The following HELQ variants were observed in gnomAD, a reference collection of about 807,000 sequenced individuals.
HELQ encodes the protein helicase, POLQ like.
In HELQ, 77 loss-of-function variants were observed where a neutral mutation model predicts 111.6. The ratio of observed to expected loss-of-function variants is 0.69; its 90% CI spans 0.57 to 0.83. The LOEUF is 0.83. HELQ is among the 40% of genes least tolerant of loss of function. The probability of loss-of-function intolerance (pLI) is 0.00; values close to 1 mark genes in which losing one functional copy is unlikely to be tolerated. For synonymous variants in HELQ, 438 were observed against 454.7 expected (o/e 0.96, Z 0.47); for missense variants, 1,200 against 1,288.5 (o/e 0.93, Z 1.05).
intron 17 of HELQ, among the ~76,000 whole-genome samples, chr4:83,414,369 G>A (rs2073073895): frequency 6.6e-6 from 1 of 152,228 alleles, no homozygotes; most frequent in South Asian, 2.1e-4. Context: ...CAGGGGTGCT[G>A]TGGGGTGGGG....
upstream of HELQ, chr4:83,455,861 C>G: frequency 1.3e-6 from 1 of 783,452 alleles, no homozygotes; most frequent in East Asian, 2.5e-5. Flanking sequence ...AACTTCTACC[C>G]TGTCCAATCA....
chr4:83,448,763 A>G lies in HELQ; in HGVS notation c.1191+20T>C, dbSNP rs772171270. 1.4e-5 allele frequency: 23 copies of G among 1,589,292 alleles called. No individual in the cohort carries two copies. The highest frequency in any genetic ancestry group is 3.5e-5 in the Admixed American group (2 of 57,134). On this transcript the variant is annotated intron_variant, in intron 3 of 17. Transcript: ENST00000295488. ...GTACTAGCAAATAACATTTGTTTTA[A>G]AACATACACACACACACACCTTTTC... is the stretch of plus-strand genomic sequence containing the variant.
At chr4:83,412,808 A>G (rs1296636236) in intron 17 of HELQ, among the ~76,000 whole-genome samples, 2 of 152,168 alleles carry the variant, frequency 1.3e-5, no homozygotes, top group African/African-American at 4.8e-5. Context: ...TGGGCAACAG[A>G]GCAAGACCCT....
In HELQ at chr4:83,455,557, A is replaced by G; in HGVS notation, c.137T>C (p.Met46Thr). 2 of 1,613,490 alleles carry G rather than the reference A, an allele frequency of 1.2e-6. No homozygotes were observed. Among genetic ancestry groups the G allele is most frequent in the Non-Finnish European group, 1.7e-6 (2 of 1,179,566 alleles). The change falls in exon 1 of 18, where the codon ATG (methionine) becomes ACG (threonine). Residue 46 changes from methionine to threonine, a missense_variant. Physicochemically the swap from Met to Thr is moderately conservative, Grantham distance 81. Coordinates refer to ENST00000295488, the MANE Select transcript of HELQ (RefSeq NM_133636.5). Reference sequence around the variant, plus strand: ...TTTCCGCCTCCTGTTCTCAGCCACCATTTCCTCCTCCTCTTTCCCCTCATC... The same window carrying G: ...TTTCCGCCTCCTGTTCTCAGCCACCGTTTCCTCCTCCTCTTTCCCCTCATC... ...PGDEGKEEEE[M>T]VAENRRRKTA...
At chr4:83,418,874 T>C (rs959357626) in intron 15 of HELQ, among the ~76,000 whole-genome samples, 2 of 152,178 alleles carry the variant, frequency 1.3e-5, no homozygotes, top group African/African-American at 4.8e-5. Context: ...TGAACAGAAC[T>C]ATTGAATCAA....
At position 83,453,476 on chromosome 4, in the gene HELQ, C is replaced by T. The variant is rs1177660295; in HGVS notation, c.767G>A (p.Ser256Asn). ...ACTTTTTCTCCTGTTCATATCTGAA[C>T]TAGTTCTGACTTTGGAAGAGGACTC... ...NDESSSKVRTSSDMNRRKSIK... is the reference protein window; with the variant it reads ...NDESSSKVRTNSDMNRRKSIK... The change falls in exon 2 of 18, where the codon AGT becomes AAT. Residue 256 changes from serine to asparagine, a missense_variant. This residue lies in a region of HELQ where 610 missense variants were observed against 607.1 expected (regional missense o/e 1.00). Coordinates refer to ENST00000295488, the MANE Select transcript of HELQ (RefSeq NM_133636.5). 1 of 1,611,860 alleles carries T rather than the reference C, an allele frequency of 6.2e-7. No individual in the cohort carries two copies. Among genetic ancestry groups the T allele is most frequent in the South Asian group, 1.1e-5 (1 of 90,506 alleles).
Position 83,453,505 on chromosome 4 carries a change from A to G in HELQ, c.738T>C (p.Asn246=). 1 of 1,613,656 alleles carries G rather than the reference A, an allele frequency of 6.2e-7. No individual in the cohort carries two copies. The highest frequency in any genetic ancestry group is 8.5e-7 in the Non-Finnish European group (1 of 1,179,904). The part of the protein sequence containing the change: ...PHNCIEQPQQ[N]DESSSKVRTS... ...TTCTGACTTTGGAAGAGGACTCATCATTTTGCTGGGGTTGCTCTATGCAAT... is the reference window on the plus strand; with the variant it reads ...TTCTGACTTTGGAAGAGGACTCATCGTTTTGCTGGGGTTGCTCTATGCAAT... The change falls in exon 2 of 18, where the codon AAT becomes AAC. Residue 246 remains asparagine, a synonymous_variant. Coordinates refer to ENST00000295488, the MANE Select transcript of HELQ (RefSeq NM_133636.5).
At chr4:83,422,504 A>G (rs75072172) in intron 14 of HELQ, among the ~76,000 whole-genome samples, 5,623 of 152,278 alleles carry the variant, frequency 0.037, 344 homozygotes, top group African/African-American at 0.13. Flanking sequence ...ACACAGAGAG[A>G]CACAGAGAAG....
intron 14 of HELQ, among the ~76,000 whole-genome samples, chr4:83,425,591 C>A (rs894618249): frequency 2.6e-5 from 4 of 152,108 alleles, no homozygotes; most frequent in African/African-American, 9.7e-5. Flanking sequence ...AAGTACTAGA[C>A]TAGGAGTTCT....
At chr4:83,420,757 C>T (rs1180950735) in intron 15 of HELQ, among the ~76,000 whole-genome samples, 1 of 151,996 alleles carries the variant, frequency 6.6e-6, no homozygotes, top group Non-Finnish European at 1.5e-5. Flanking sequence ...TGTACTCCAG[C>T]CTGAGACTCC....
intron 6 of HELQ, among the ~76,000 whole-genome samples, chr4:83,441,870 C>A (rs1015367350): frequency 6.6e-6 from 1 of 150,930 alleles, no homozygotes; most frequent in African/African-American, 2.4e-5. Flanking sequence ...ACCTCCAGGG[C>A]TCATGCTATC....
intron 17 of HELQ, among the ~76,000 whole-genome samples, chr4:83,411,673 C>T (rs1006366562): frequency 2.6e-5 from 4 of 151,600 alleles, no homozygotes; most frequent in Non-Finnish European, 5.9e-5. Flanking sequence ...GATAAGGTCT[C>T]GCTTTGTTGC....
chr4:83,439,639 G>T (rs1398543055), intron 8 of HELQ, among the ~76,000 whole-genome samples: 1 of 152,206 alleles, frequency 6.6e-6, no homozygotes, highest in Non-Finnish European at 1.5e-5. Flanking sequence ...GGGATTACAG[G>T]CATGAGCCAT....
At position 83,436,950 on chromosome 4, in the gene HELQ, C is replaced by T. The variant is rs562727527; in HGVS notation, c.1956G>A (p.Arg652=). ...YHHSGLTSDE[R]KLLEEAYSTG... is the part of the protein sequence containing the mutation. ...TGGAGTAGGCCTCCTCCAAGAGTTT[C>T]CTTTCATCACTTGTTAAGCCACTGT... Residue 652 remains arginine, a synonymous_variant, in exon 9 of 18, where the codon AGG becomes AGA. Coordinates refer to ENST00000295488, the MANE Select transcript of HELQ (RefSeq NM_133636.5). 2.5e-6 allele frequency: 4 copies of T among 1,614,178 alleles called. No individual in the cohort carries two copies. The African/African-American group carries it at 4.0e-5, about 16-fold the overall frequency.
intron 2 of HELQ, among the ~76,000 whole-genome samples, chr4:83,452,974 TGAGGAATTA>T (rs58350448): frequency 0.12 from 18,407 of 151,970 alleles, 3,639 homozygotes; most frequent in African/African-American, 0.42. Context: ...TTCTTATAGA[TGAGGAATTA>T]GAGGAATTAT....
At chr4:83,409,201 T>C (rs7689667) in intron 17 of HELQ, among the ~76,000 whole-genome samples, 1,934 of 152,222 alleles carry the variant, frequency 0.013, 44 homozygotes, top group African/African-American at 0.044. Flanking sequence ...AATGACTGTG[T>C]TGTCCAAGAT....
intron 16 of HELQ, among the ~76,000 whole-genome samples, chr4:83,417,351 C>T (rs778774468): frequency 1.3e-4 from 19 of 151,938 alleles, no homozygotes; most frequent in South Asian, 2.1e-4. Flanking sequence ...TACAGGCGCA[C>T]GACACCATAC....
chr4:83,452,275 T>A (rs1721426291), intron 2 of HELQ, among the ~76,000 whole-genome samples: 1 of 152,100 alleles, frequency 6.6e-6, no homozygotes, highest in Admixed American at 6.5e-5. Context: ...TCTTGGCTCA[T>A]CAGCTATCGT....
chr4:83,453,413 G>C lies in HELQ; in HGVS notation c.830C>G (p.Ala277Gly). 6.2e-7 allele frequency: 1 copy of C among 1,603,700 alleles called. No individual in the cohort carries two copies. The highest frequency in any genetic ancestry group is 8.5e-7 in the Non-Finnish European group (1 of 1,176,512). Reference protein sequence around the residue: ...DHLKNAMTGNAKAQTPIFSRS... With the variant: ...DHLKNAMTGNGKAQTPIFSRS... The stretch of plus-strand genomic sequence containing the variant: ...AGAAAATATTGGTGTCTGGGCCTTC[G>C]CATTTCCAGTCATGGCATTTTTTAG... The change falls in exon 2 of 18, where the codon GCG (alanine) becomes GGG (glycine). Residue 277 changes from alanine (A) to glycine (G), a missense_variant. This residue lies in a region of HELQ where 610 missense variants were observed against 607.1 expected (regional missense o/e 1.00). Coordinates refer to ENST00000295488, the MANE Select transcript of HELQ (RefSeq NM_133636.5).
Sources: allele counts gnomAD v4.1 joint callset (sites outside exome capture counted in the v4.1 genomes callset), GRCh38; gene constraint gnomAD v4.1.1; regional missense constraint gnomAD v4.1.1; transcripts MANE v1.5; gene names NCBI Gene and HGNC (gene_info 2026-07-23, HGNC 2026-07-21).